Variants in DCDC2 observed in about 807,000 individuals in gnomAD.
DCDC2 encodes doublecortin domain-containing protein 2.
Under a neutral mutation model 50.2 loss-of-function variants are expected in DCDC2, and 40 were observed. The observed-to-expected ratio is 0.80, with a 90% confidence interval of 0.62 to 1.04. The LOEUF is 1.04. DCDC2 is among the 50% of genes least tolerant of loss of function. DCDC2 has a pLI of 0.00. For synonymous variants in DCDC2, 234 were observed against 210.6 expected (o/e 1.11, Z -0.96); for missense variants, 570 against 581.9 (o/e 0.98, Z 0.21).
chr6:24,361,510 G>C (rs148164964), upstream of DCDC2, among the ~76,000 whole-genome samples: 1 of 152,142 alleles, frequency 6.6e-6, no homozygotes, highest in Non-Finnish European at 1.5e-5. Context: ...GGGAAATTTT[G>C]TGAGCTGCTT....
At chr6:24,175,549 A>G (rs1296232487) in intron 9 of DCDC2, among the ~76,000 whole-genome samples, 1 of 152,190 alleles carries the variant, frequency 6.6e-6, no homozygotes, top group Non-Finnish European at 1.5e-5. Flanking sequence ...CACACAGGCC[A>G]TGACTGATGC....
At chr6:24,372,938 GA>G in the DCDC2 span, among the ~76,000 whole-genome samples, 3 of 151,730 alleles carry the variant, frequency 2.0e-5, no homozygotes, top group African/African-American at 4.8e-5. Context: ...ACAAAAAAAA[GA>G]AAAAAACATT....
intron 2 of DCDC2, among the ~76,000 whole-genome samples, chr6:24,323,228 CTT>C (rs779883826): frequency 6.6e-6 from 1 of 152,174 alleles, no homozygotes; most frequent in African/African-American, 2.4e-5. Flanking sequence ...AAATAACTGA[CTT>C]TCAAAATTGT....
chr6:24,199,757 T>C (rs1477349782), intron 8 of DCDC2, among the ~76,000 whole-genome samples: 1 of 152,112 alleles, frequency 6.6e-6, no homozygotes. Flanking sequence ...AGGAAGCTAA[T>C]AAGCTTGAAA....
chr6:24,265,628 A>G (rs1443440055), intron 7 of DCDC2, among the ~76,000 whole-genome samples: 1 of 152,198 alleles, frequency 6.6e-6, no homozygotes, highest in Non-Finnish European at 1.5e-5. Flanking sequence ...CTGTACAAGT[A>G]CATGGAAACT....
chr6:24,230,237 G>A (rs1483310471), intron 7 of DCDC2, among the ~76,000 whole-genome samples: 1 of 152,076 alleles, frequency 6.6e-6, no homozygotes, highest in African/African-American at 2.4e-5. Context: ...GGAAGGAGGC[G>A]GCCAATGGAG....
At chr6:24,267,897 T>C (rs1763158281) in intron 7 of DCDC2, among the ~76,000 whole-genome samples, 1 of 152,174 alleles carries the variant, frequency 6.6e-6, no homozygotes, top group Admixed American at 6.5e-5. Flanking sequence ...CACAAAAAGA[T>C]GTCTGACTTA....
rs1759335845 is a variant in DCDC2 at position 24,299,931 on chromosome 6, AAAAT to A, written c.557+1780_557+1783del. On this transcript the variant is annotated intron_variant, in intron 4 of 9. Coordinates refer to ENST00000378454, the MANE Select transcript of DCDC2 (RefSeq NM_016356.5). ...TGAAACTCCATCTCAAAAAAAAATAAAAATAAAAATAAATAAAATACTTTGTAGT... is the reference window on the plus strand; with the variant it reads ...TGAAACTCCATCTCAAAAAAAAATAAAAAAATAAATAAAATACTTTGTAGT... Among the ~76,000 whole-genome samples the A allele has an allele frequency of 2.0e-5, 3 of 152,166 alleles. No homozygotes were observed. In the East Asian group the frequency reaches 5.8e-4, roughly 29 times the overall value.
At chr6:24,205,798 C>A (rs1761707457) in intron 7 of DCDC2, among the ~76,000 whole-genome samples, 1 of 152,102 alleles carries the variant, frequency 6.6e-6, no homozygotes, top group Non-Finnish European at 1.5e-5. Flanking sequence ...TTAATGTCTC[C>A]CCTCAGCCTT....
At chr6:24,233,156 T>C (rs1762373990) in intron 7 of DCDC2, among the ~76,000 whole-genome samples, 3 of 152,230 alleles carry the variant, frequency 2.0e-5, no homozygotes, top group Non-Finnish European at 4.4e-5. Context: ...CCCAACAATA[T>C]ATAATTTTTA....
At chr6:24,362,476 AT>A (rs371983857), upstream of DCDC2, among the ~76,000 whole-genome samples, 22 of 106,912 alleles carry the variant, frequency 2.1e-4, 1 homozygote, top group African/African-American at 6.4e-4. Flanking sequence ...TATTTATACA[AT>A]TTTTTTATTT....
In DCDC2 at chr6:24,257,218, C is replaced by A. The variant is rs1019049458; in HGVS notation, c.922+20831G>T. On this transcript the variant is annotated intron_variant, in intron 7 of 9. Transcript: ENST00000378454. The stretch of plus-strand genomic sequence containing the variant: ...TCAAGTTAACCTTAAGAAATATCAT[C>A]ATAAATAACTGGAATGCCTAACCTT... 5.9e-5 allele frequency among the ~76,000 whole-genome samples: 9 copies of A among 152,226 alleles called. No homozygotes were observed. In the East Asian group the frequency reaches 1.5e-3, roughly 26 times the overall value.
Position 24,288,910 on chromosome 6 carries a change from T to C in DCDC2, c.705-4A>G. 3.8e-6 allele frequency: 6 copies of C among 1,592,992 alleles called. No homozygotes were observed. Among genetic ancestry groups the C allele is most frequent in the Non-Finnish European group, 5.1e-6 (6 of 1,173,298 alleles). ...AGGTAGTGAAGAAGCTTTCTGACTG[T>C]GGAAACAAATTGCAATTTAGAAATC... On this transcript the variant is annotated splice_polypyrimidine_tract_variant and splice_region_variant and intron_variant, in intron 5 of 9. Coordinates refer to ENST00000378454, the MANE Select transcript of DCDC2 (RefSeq NM_016356.5).
intron 8 of DCDC2, among the ~76,000 whole-genome samples, chr6:24,180,294 G>C (rs994713855): frequency 1.3e-5 from 2 of 151,230 alleles, no homozygotes; most frequent in South Asian, 2.1e-4. Context: ...TTGTTTTTTG[G>C]TTTTTTTTGA....
At chr6:24,354,102 T>G (rs1354798760) in intron 1 of DCDC2, among the ~76,000 whole-genome samples, 1 of 152,194 alleles carries the variant, frequency 6.6e-6, no homozygotes, top group African/African-American at 2.4e-5. Flanking sequence ...CTCACTCATG[T>G]GGGATGACTT....
rs1016685680 is a variant in DCDC2 at position 24,336,717 on chromosome 6, C to CT, written c.348+16851dup. Among the ~76,000 whole-genome samples the CT allele has an allele frequency of 8.6e-4, 128 of 148,304 alleles. 1 individual carries two copies. Among genetic ancestry groups the CT allele is most frequent in the African/African-American group, 2.4e-3 (96 of 40,440 alleles). ...CCAATATAATGTCAGTGATCCCTGC[C>CT]TTTTTTTTTTATTTTTTTTTCCAAA... On this transcript the variant is annotated intron_variant, in intron 2 of 9. Coordinates refer to ENST00000378454, the MANE Select transcript of DCDC2 (RefSeq NM_016356.5).
In DCDC2 at chr6:24,302,014, C is replaced by A; in HGVS notation, c.379G>T (p.Val127Leu). The A allele has an allele frequency of 6.2e-7, 1 of 1,613,922 alleles. No homozygotes were observed. Among genetic ancestry groups the A allele is most frequent in the Non-Finnish European group, 8.5e-7 (1 of 1,179,950 alleles). ...VKPVIHSRIN[V>L]SARFRKPLQE... is the part of the protein sequence containing the mutation. ...AGCGGTTTTCTAAAGCGAGCTGACA[C>A]GTTGATCCTGCTATGGATTACTGGT... The change falls in exon 3 of 10, where the codon GTG becomes TTG. Residue 127 changes from valine (V) to leucine (L), a missense_variant. Physicochemically the swap from Val to Leu is conservative, Grantham distance 32 (BLOSUM62 1). Coordinates refer to ENST00000378454, the MANE Select transcript of DCDC2 (RefSeq NM_016356.5).
intron 2 of DCDC2, among the ~76,000 whole-genome samples, chr6:24,332,315 G>A (rs532338030): frequency 2.0e-5 from 3 of 152,178 alleles, no homozygotes; most frequent in African/African-American, 4.8e-5. Context: ...TCTTTTCCTC[G>A]CAGTCTCCCT....
chr6:24,349,121 A>G (rs1057354103), intron 2 of DCDC2, among the ~76,000 whole-genome samples: 1 of 152,092 alleles, frequency 6.6e-6, no homozygotes, highest in African/African-American at 2.4e-5. Flanking sequence ...GCAGGAATGA[A>G]GAGTGAGATC....
Sources: gnomAD v4.1 joint callset for allele counts (sites outside exome capture counted in the v4.1 genomes callset) on GRCh38, gnomAD v4.1.1 for gene constraint, MANE v1.5 for transcripts, NCBI Gene and HGNC (gene_info 2026-07-23, HGNC 2026-07-21) for gene names.